The following LRMDA variants were observed in gnomAD, a reference collection of about 807,000 sequenced individuals.
LRMDA encodes the protein leucine-rich melanocyte differentiation-associated protein.
LRMDA carries 18 observed loss-of-function variants against 29.8 expected under a neutral mutation model. The observed-to-expected ratio is 0.60, with a 90% CI of 0.42 to 0.90. LRMDA has a LOEUF of 0.90. Among genes scored for constraint, LRMDA ranks in the 40% least tolerant of loss-of-function variants. The pLI, the probability that LRMDA is intolerant of heterozygous loss-of-function variation, is 0.00. For missense variants in LRMDA, 273 were observed against 273.9 expected (o/e 1.00, Z 0.02); for synonymous variants, 125 against 109.4 (o/e 1.14, Z -0.89).
chr10:75,440,796 G>A (rs1227828043), intron 2 of LRMDA, among the ~76,000 whole-genome samples: 6 of 152,202 alleles, frequency 3.9e-5, no homozygotes, highest in Non-Finnish European at 8.8e-5. Flanking sequence ...AGCAGTTTGG[G>A]AGGCCAAGGC....
At position 76,402,980 on chromosome 10, in the gene LRMDA, C is replaced by CT. The variant is rs778530793; in HGVS notation, c.601+78496dup. On this transcript the variant is annotated intron_variant, in intron 6 of 6. Coordinates refer to ENST00000611255, the MANE Select transcript of LRMDA (RefSeq NM_001305581.2). The stretch of plus-strand genomic sequence containing the variant: ...TTCCTTTCCCACAGAACCTCAAGGA[C>CT]TGTTGGATTTGTTTCAGAGGTCACA... 1.7e-4 allele frequency among the ~76,000 whole-genome samples: 26 copies of CT among 151,866 alleles called. 1 individual carries two copies. Among genetic ancestry groups the CT allele is most frequent in the Admixed American group, 1.4e-3 (21 of 15,244 alleles).
intron 3 of LRMDA, among the ~76,000 whole-genome samples, chr10:76,045,234 G>A (rs1242819255): frequency 7.2e-6 from 1 of 139,352 alleles, no homozygotes; most frequent in Non-Finnish European, 1.5e-5. Flanking sequence ...TCTCTTGCTA[G>A]TTTCCCCCTC....
intron 6 of LRMDA, among the ~76,000 whole-genome samples, chr10:76,480,396 T>G (rs1842722859): frequency 6.6e-6 from 1 of 151,972 alleles, no homozygotes; most frequent in Non-Finnish European, 1.5e-5. Flanking sequence ...AATTAGGAAG[T>G]GCAAGATTTA....
intron 6 of LRMDA, among the ~76,000 whole-genome samples, chr10:76,493,740 C>A (rs1280809497): frequency 1.3e-5 from 2 of 152,016 alleles, no homozygotes; most frequent in East Asian, 3.9e-4. Flanking sequence ...ATTTCTATGG[C>A]AATTTTAGAA....
chr10:76,160,941 G>A (rs1288886018), intron 5 of LRMDA, among the ~76,000 whole-genome samples: 3 of 152,134 alleles, frequency 2.0e-5, no homozygotes, highest in Non-Finnish European at 4.4e-5. Context: ...ACCAAGCCAC[G>A]TGATTGAGAG....
intron 2 of LRMDA, among the ~76,000 whole-genome samples, chr10:75,729,069 C>T (rs971876511): frequency 6.6e-6 from 1 of 152,184 alleles, no homozygotes. Context: ...AAGTCTCACT[C>T]CCCCAGCCCT....
At chr10:76,217,650 G>A (rs1329446057) in intron 5 of LRMDA, among the ~76,000 whole-genome samples, 2 of 152,200 alleles carry the variant, frequency 1.3e-5, no homozygotes, top group African/African-American at 2.4e-5. Context: ...GCTTTACGAT[G>A]AGTCAAGGGG....
At chr10:75,991,119 G>A (rs1847360962) in intron 2 of LRMDA, among the ~76,000 whole-genome samples, 2 of 152,250 alleles carry the variant, frequency 1.3e-5, no homozygotes, top group South Asian at 4.2e-4. Flanking sequence ...GAGAGAACTC[G>A]GGTATGGCAA....
intron 5 of LRMDA, among the ~76,000 whole-genome samples, chr10:76,196,121 G>T (rs1851327956): frequency 6.6e-6 from 1 of 152,188 alleles, no homozygotes; most frequent in African/African-American, 2.4e-5. Flanking sequence ...TGTACTGGTG[G>T]TAGCTGTTTT....
intron 5 of LRMDA, among the ~76,000 whole-genome samples, chr10:76,299,092 A>G (rs1319024572): frequency 2.0e-5 from 3 of 152,192 alleles, no homozygotes; most frequent in Non-Finnish European, 4.4e-5. Flanking sequence ...GCAATGAGAC[A>G]GAACATACCA....
At chr10:75,590,319 G>A (rs992084327) in intron 2 of LRMDA, among the ~76,000 whole-genome samples, 8 of 152,000 alleles carry the variant, frequency 5.3e-5, no homozygotes, top group African/African-American at 1.9e-4. Flanking sequence ...ACACCCAGCC[G>A]GAAGCTGATT....
chr10:76,252,071 TATAAC>T (rs766398118), intron 5 of LRMDA, among the ~76,000 whole-genome samples: 6 of 152,214 alleles, frequency 3.9e-5, no homozygotes, highest in African/African-American at 1.2e-4. Context: ...AAGCTACTGA[TATAAC>T]ATATTAGTTT....
intron 2 of LRMDA, among the ~76,000 whole-genome samples, chr10:75,526,701 T>A (rs530827434): frequency 1.4e-4 from 21 of 151,836 alleles, no homozygotes; most frequent in Middle Eastern, 3.4e-3. Flanking sequence ...AAAAAAAATT[T>A]AAAAATTAGC....
rs1388223105 is a variant in LRMDA, at chr10:76,442,887, C to T, written c.602-114322C>T. Among the ~76,000 whole-genome samples the T allele has an allele frequency of 2.0e-5, 3 of 152,254 alleles. No homozygotes were observed. The East Asian group carries it at 5.8e-4, about 29-fold the overall frequency. Reference sequence around the variant, plus strand: ...ACATTTTAATTTCTGAGGGAAGATGCAATCATTCTTCCATTTGTGTGATTT... The same window carrying T: ...ACATTTTAATTTCTGAGGGAAGATGTAATCATTCTTCCATTTGTGTGATTT... On this transcript the variant is annotated intron_variant, in intron 6 of 6. Coordinates refer to ENST00000611255, the MANE Select transcript of LRMDA (RefSeq NM_001305581.2).
chr10:75,833,077 A>G (rs959114568), intron 2 of LRMDA, among the ~76,000 whole-genome samples: 5 of 152,188 alleles, frequency 3.3e-5, no homozygotes, highest in Non-Finnish European at 7.3e-5. Flanking sequence ...TTTGTCCTCT[A>G]AATTATTGAA....
chr10:75,492,331 C>G (rs972559631), intron 2 of LRMDA, among the ~76,000 whole-genome samples: 1 of 152,208 alleles, frequency 6.6e-6, no homozygotes, highest in South Asian at 2.1e-4. Flanking sequence ...GCTCTGACCC[C>G]ACCTCTTGGC....
intron 6 of LRMDA, among the ~76,000 whole-genome samples, chr10:76,506,067 C>T (rs1842956681): frequency 6.6e-6 from 1 of 152,092 alleles, no homozygotes; most frequent in Non-Finnish European, 1.5e-5. Flanking sequence ...TGCAGGGTTC[C>T]CAGCTTCCTC....
At chr10:75,628,012 A>G (rs1196093043) in intron 2 of LRMDA, among the ~76,000 whole-genome samples, 1 of 152,228 alleles carries the variant, frequency 6.6e-6, no homozygotes, top group Non-Finnish European at 1.5e-5. Context: ...GTGCTTGGCC[A>G]GTGGTTAGCC....
chr10:75,768,351 T>C (rs191699084), intron 2 of LRMDA, among the ~76,000 whole-genome samples: 67 of 152,330 alleles, frequency 4.4e-4, no homozygotes, highest in African/African-American at 1.2e-3. Flanking sequence ...GTGCATTATC[T>C]ATTTTATTCC....
Sources: gnomAD v4.1 joint callset for allele counts (sites outside exome capture counted in the v4.1 genomes callset) on GRCh38, gnomAD v4.1.1 for gene constraint, MANE v1.5 for transcripts, NCBI Gene and HGNC (gene_info 2026-07-23, HGNC 2026-07-21) for gene names.